The following SDK1 variants were observed in gnomAD, a reference collection of about 807,000 sequenced individuals.
SDK1 encodes protein sidekick-1.
In SDK1, 157 loss-of-function variants were observed where a neutral mutation model predicts 245.5. The ratio of observed to expected loss-of-function variants is 0.64; its 90% CI spans 0.56 to 0.73. SDK1 has a LOEUF of 0.73. Ranked by LOEUF, SDK1 falls within the 30% of genes least tolerant of loss-of-function variation. The pLI, the probability that SDK1 is intolerant of heterozygous loss-of-function variation, is 0.00. For synonymous variants in SDK1, 1,647 were observed against 1,278.5 expected, an observed-to-expected ratio of 1.29 and a Z score of -6.15; for missense variants, 3,583 against 3,002.3, an observed-to-expected ratio of 1.19 and a Z score of -4.52.
intron 4 of SDK1, among the ~76,000 whole-genome samples, chr7:3,763,358 A>G (rs538140295): frequency 6.6e-6 from 1 of 152,326 alleles, no homozygotes; most frequent in South Asian, 2.1e-4. Flanking sequence ...AAACATTTTC[A>G]TACGTACAGA....
chr7:4,185,535 G>A (rs1244679872), intron 35 of SDK1, among the ~76,000 whole-genome samples: 1 of 152,108 alleles, frequency 6.6e-6, no homozygotes, highest in Non-Finnish European at 1.5e-5. Flanking sequence ...TGGGATGACT[G>A]CTCCCTACTC....
At chr7:3,559,566 C>G (rs1032135689) in intron 1 of SDK1, among the ~76,000 whole-genome samples, 1 of 152,084 alleles carries the variant, frequency 6.6e-6, no homozygotes, top group African/African-American at 2.4e-5. Context: ...CATTCATTGA[C>G]GCTCTTTTCT....
intron 30 of SDK1, among the ~76,000 whole-genome samples, chr7:4,154,970 G>A (rs749768925): frequency 3.3e-4 from 50 of 151,972 alleles, no homozygotes; most frequent in Non-Finnish European, 4.9e-4. Flanking sequence ...GGGGTGGGGG[G>A]CTTGAGGATC....
chr7:3,736,523 C>T (rs868189563), intron 4 of SDK1, among the ~76,000 whole-genome samples: 4 of 152,238 alleles, frequency 2.6e-5, no homozygotes, highest in Non-Finnish European at 4.4e-5. Context: ...CCACCCACCT[C>T]GGCCTCCCAA....
At chr7:3,505,279 C>T (rs1443705490) in intron 1 of SDK1, among the ~76,000 whole-genome samples, 2 of 152,148 alleles carry the variant, frequency 1.3e-5, no homozygotes, top group Non-Finnish European at 2.9e-5. Context: ...CTGGGTTTCA[C>T]TCTGTCACCC....
At chr7:3,671,513 C>G (rs1016949260) in intron 4 of SDK1, among the ~76,000 whole-genome samples, 3 of 152,126 alleles carry the variant, frequency 2.0e-5, no homozygotes, top group African/African-American at 7.2e-5. Flanking sequence ...CTGATGTTAT[C>G]CCTTCTTTCT....
intron 4 of SDK1, among the ~76,000 whole-genome samples, chr7:3,676,069 G>T (rs537045022): frequency 1.3e-5 from 2 of 152,098 alleles, no homozygotes; most frequent in Non-Finnish European, 2.9e-5. Flanking sequence ...AGGCTCAAGC[G>T]ATTCTTCCAC....
At chr7:3,903,358 T>G (rs1406483632) in intron 5 of SDK1, among the ~76,000 whole-genome samples, 3 of 152,236 alleles carry the variant, frequency 2.0e-5, no homozygotes, top group East Asian at 3.9e-4. Flanking sequence ...TTAGCCAGGA[T>G]GGTCTCGATC....
chr7:3,771,310 C>G (rs573941800), intron 4 of SDK1, among the ~76,000 whole-genome samples: 1 of 152,042 alleles, frequency 6.6e-6, no homozygotes, highest in African/African-American at 2.4e-5. Flanking sequence ...ACCTCACTTG[C>G]GTCGAGTGAA....
intron 14 of SDK1, among the ~76,000 whole-genome samples, chr7:3,996,953 T>C (rs187475790): frequency 1.1e-4 from 16 of 152,350 alleles, no homozygotes; most frequent in African/African-American, 3.6e-4. Flanking sequence ...TATTGAGATA[T>C]AATTTGTATG....
chr7:3,698,335 G>T lies in SDK1; in HGVS notation c.713+56230G>T, dbSNP rs192673641. Among the ~76,000 whole-genome samples the T allele has an allele frequency of 3.3e-5, 5 of 152,288 alleles. No homozygotes were observed. In the East Asian group the frequency reaches 5.8e-4, roughly 18 times the overall value. Reference sequence around the variant, plus strand: ...GCCAAGGCTTGTGTCTCCTCGGTGTGGTCACGCGTTCCCTCTCACGGTATT... The same window carrying T: ...GCCAAGGCTTGTGTCTCCTCGGTGTTGTCACGCGTTCCCTCTCACGGTATT... On this transcript the variant is annotated intron_variant, in intron 4 of 44. Transcript: ENST00000404826.
chr7:3,911,033 C>G (rs1340717745), intron 5 of SDK1, among the ~76,000 whole-genome samples: 1 of 152,192 alleles, frequency 6.6e-6, no homozygotes, highest in East Asian at 1.9e-4. Flanking sequence ...ACAGCCTTTC[C>G]AAGAGGGTGG....
At chr7:3,584,691 G>T (rs530941346) in intron 1 of SDK1, among the ~76,000 whole-genome samples, 6 of 151,898 alleles carry the variant, frequency 4.0e-5, no homozygotes, top group Admixed American at 3.3e-4. Flanking sequence ...TTTTGGGTCT[G>T]TGCCCTTGCT....
At chr7:3,378,367 T>TGGGAC (rs1399807751) in intron 1 of SDK1, among the ~76,000 whole-genome samples, 1 of 152,206 alleles carries the variant, frequency 6.6e-6, no homozygotes, top group African/African-American at 2.4e-5. Context: ...AGACCTTGGG[T>TGGGAC]GGGACGGGAG....
In SDK1 at chr7:4,051,745, C is replaced by T. The variant is rs199610599; in HGVS notation, c.2826C>T (p.Thr942=). The T allele has an allele frequency of 7.4e-5, 119 of 1,613,936 alleles. 1 individual carries two copies. In the East Asian group the frequency reaches 1.9e-3, roughly 26 times the overall value. Residue 942 remains threonine (T), a synonymous_variant, in exon 19 of 45, where the codon ACC becomes ACT. Transcript: ENST00000404826. ...ACATAACGAACCTGAAGAAGTTTACCGCCTACTTCACTTCCGTTCTGTGCT... is the reference window on the plus strand; with the variant it reads ...ACATAACGAACCTGAAGAAGTTTACTGCCTACTTCACTTCCGTTCTGTGCT... ...HGHITNLKKF[T]AYFTSVLCFT... is the part of the protein sequence containing the mutation.
chr7:3,466,162 A>G (rs1186806217), intron 1 of SDK1, among the ~76,000 whole-genome samples: 1 of 151,504 alleles, frequency 6.6e-6, no homozygotes, highest in Non-Finnish European at 1.5e-5. Context: ...GCACCTGAAA[A>G]CCCTGTGGGA....
rs1584197240 is a variant in SDK1 at position 4,119,448 on chromosome 7, C to G, written c.3823+5174C>G. On this transcript the variant is annotated intron_variant, in intron 25 of 44. Coordinates refer to ENST00000404826, the MANE Select transcript of SDK1 (RefSeq NM_152744.4). ...GCAGCCTGGGTGGCAGAGCAAGACC[C>G]TGTCTCTAAAAAAAATAATAAGAAT... Among the ~76,000 whole-genome samples, 2 of 148,026 alleles carry G rather than the reference C, an allele frequency of 1.4e-5. 1 individual carries two copies. Among genetic ancestry groups the G allele is most frequent in the Non-Finnish European group, 3.0e-5 (2 of 66,462 alleles).
At position 3,504,182 on chromosome 7, in the gene SDK1, A is replaced by ATATGTGTG. The variant is rs375661314; in HGVS notation, c.299-114897_299-114896insATGTGTGT. The stretch of plus-strand genomic sequence containing the variant: ...AACCAAAAAAATTATATATATATAT[A>ATATGTGTG]TGTGTGTGTGTGTGTGTGTGTGTGT... On this transcript the variant is annotated intron_variant, in intron 1 of 44. Coordinates refer to ENST00000404826, the MANE Select transcript of SDK1 (RefSeq NM_152744.4). Among the ~76,000 whole-genome samples, 280 of 131,934 alleles carry ATATGTGTG rather than the reference A, an allele frequency of 2.1e-3. 3 individuals are homozygous for ATATGTGTG. In the East Asian group the frequency reaches 0.049, roughly 23 times the overall value. 86.6% of individuals were successfully genotyped at this position (131,934 alleles called of 152,430 possible).
chr7:4,092,890 ACT>A (rs762315675), intron 22 of SDK1, among the ~76,000 whole-genome samples: 2 of 151,866 alleles, frequency 1.3e-5, no homozygotes, highest in African/African-American at 2.4e-5. Context: ...CCACCACAAC[ACT>A]CTCTGCCAGA....
Sources: allele counts gnomAD v4.1 joint callset (sites outside exome capture counted in the v4.1 genomes callset), GRCh38; gene constraint gnomAD v4.1.1; transcripts MANE v1.5; gene names NCBI Gene and HGNC (gene_info 2026-07-23, HGNC 2026-07-21).